Variants in YTHDF3 observed in about 807,000 individuals in gnomAD.
YTHDF3 encodes YTH domain-containing family protein 3.
Under a neutral mutation model 52.5 loss-of-function variants are expected in YTHDF3, and 9 were observed. The observed-to-expected ratio is 0.17, with a 90% confidence interval of 0.10 to 0.30. The LOEUF is 0.30. Ranked by LOEUF, YTHDF3 falls within the 10% of genes least tolerant of loss-of-function variation. The pLI is 1.00. For missense variants in YTHDF3, 534 were observed against 715.0 expected (o/e 0.75, Z 2.89); for synonymous variants, 274 against 243.3 (o/e 1.13, Z -1.18).
chr8:63,182,973 T>C (rs1003421423), intron 3 of YTHDF3, among the ~76,000 whole-genome samples: 1 of 150,926 alleles, frequency 6.6e-6, no homozygotes, highest in South Asian at 2.1e-4. Flanking sequence ...TTTTTTTTCT[T>C]TTTTGAGACA....
intron 4 of YTHDF3, chr8:63,188,736 T>G (rs900114710): frequency 1.6e-5 from 2 of 121,664 alleles, no homozygotes; most frequent in East Asian, 5.3e-4. Flanking sequence ...TTTTGTGAGA[T>G]GGAGTCGCTC....
At chr8:63,197,608 GGGAGA>G (rs2150389508) in intron 4 of YTHDF3, among the ~76,000 whole-genome samples, 1 of 152,224 alleles carries the variant, frequency 6.6e-6, no homozygotes, top group East Asian at 1.9e-4. Flanking sequence ...CTTGTAGTAC[GGGAGA>G]GGAGAAGAGA....
At position 63,209,915 on chromosome 8, in the gene YTHDF3, C is replaced by T. The variant is rs1471333658; in HGVS notation, c.*209C>T. ...CAAACACACTTGAGAACTGTAACTT[C>T]GTCAAGCACTTTCTGTCCTGAAGCT... On this transcript the variant is annotated 3_prime_UTR_variant, in exon 5 of 5. Transcript: ENST00000539294. 1.1e-5 allele frequency: 5 copies of T among 473,236 alleles called. No homozygotes were observed. The highest frequency in any genetic ancestry group is 1.0e-4 in the East Asian group (3 of 29,264). 29.3% of individuals were successfully genotyped at this position (473,236 alleles called of 1,614,324 possible).
intron 4 of YTHDF3, among the ~76,000 whole-genome samples, chr8:63,189,861 A>G (rs1011970727): frequency 2.4e-4 from 36 of 152,222 alleles, no homozygotes; most frequent in Non-Finnish European, 5.9e-5. Flanking sequence ...ATTAATACAA[A>G]TGACTTTAAG....
intron 3 of YTHDF3, among the ~76,000 whole-genome samples, chr8:63,183,473 C>T (rs1808290100): frequency 6.6e-6 from 1 of 152,072 alleles, no homozygotes; most frequent in Non-Finnish European, 1.5e-5. Flanking sequence ...TTAATTTTGT[C>T]AAGATTTTTT....
chr8:63,199,973 T>G (rs1809495446), intron 4 of YTHDF3, among the ~76,000 whole-genome samples: 1 of 152,156 alleles, frequency 6.6e-6, no homozygotes, highest in South Asian at 2.1e-4. Context: ...TCTCCAAAAC[T>G]CATTGGCTTA....
At chr8:63,182,174 T>TCCTCCCACCTCA (rs1252731284) in intron 3 of YTHDF3, among the ~76,000 whole-genome samples, 1 of 150,856 alleles carries the variant, frequency 6.6e-6, no homozygotes, top group East Asian at 1.9e-4. Context: ...GCCCAAGCGA[T>TCCTCCCACCTCA]CCTCCCACCT....
chr8:63,171,408 A>G (rs968445310), intron 2 of YTHDF3, among the ~76,000 whole-genome samples: 1 of 152,106 alleles, frequency 6.6e-6, no homozygotes, highest in Non-Finnish European at 1.5e-5. Context: ...CACTTAATCT[A>G]TTTTTAAGGT....
chr8:63,180,259 G>C (rs1424922242), intron 3 of YTHDF3, among the ~76,000 whole-genome samples: 1 of 151,336 alleles, frequency 6.6e-6, no homozygotes, highest in Non-Finnish European at 1.5e-5. Flanking sequence ...CTTCTCAGAC[G>C]GGGCGGCCGG....
intron 4 of YTHDF3, among the ~76,000 whole-genome samples, chr8:63,201,891 C>T (rs1192333710): frequency 1.3e-5 from 2 of 152,272 alleles, no homozygotes; most frequent in South Asian, 2.1e-4. Flanking sequence ...CATTCCTTTG[C>T]TTGACTTTAA....
intron 4 of YTHDF3, among the ~76,000 whole-genome samples, chr8:63,202,365 AGCTT>A (rs1809694126): frequency 6.6e-6 from 1 of 152,072 alleles, no homozygotes; most frequent in African/African-American, 2.4e-5. Flanking sequence ...GCATGCTAGA[AGCTT>A]ATCTAAGTAT....
intron 4 of YTHDF3, among the ~76,000 whole-genome samples, chr8:63,205,440 T>C (rs1019661271): frequency 1.5e-4 from 22 of 151,250 alleles, no homozygotes; most frequent in Non-Finnish European, 2.1e-4. Flanking sequence ...TTCTTTCTTT[T>C]TTTTTTTTTT....
intron 2 of YTHDF3, among the ~76,000 whole-genome samples, chr8:63,170,211 A>G (rs1226025474): frequency 3.3e-5 from 5 of 152,322 alleles, no homozygotes; most frequent in Middle Eastern, 3.4e-3. Context: ...CAAATTATAT[A>G]TAACATTTTG....
In YTHDF3 at chr8:63,211,400, A is replaced by G. The variant is rs980844468; in HGVS notation, c.*1694A>G. On this transcript the variant is annotated 3_prime_UTR_variant, in exon 5 of 5. Coordinates refer to ENST00000539294, the MANE Select transcript of YTHDF3 (RefSeq NM_152758.6). The stretch of plus-strand genomic sequence containing the variant: ...TATTTTACCTTTTTAAGAGTAAGCC[A>G]TGAAATCTTGTAACATGTCTCTTAA... The G allele has an allele frequency of 2.0e-5, 3 of 152,606 alleles. No individual in the cohort carries two copies. Among genetic ancestry groups the G allele is most frequent in the African/African-American group, 7.2e-5 (3 of 41,462 alleles). 9.5% of individuals were successfully genotyped at this position (152,606 alleles called of 1,614,324 possible).
chr8:63,185,205 C>T (rs1808419072), intron 3 of YTHDF3, among the ~76,000 whole-genome samples: 1 of 151,536 alleles, frequency 6.6e-6, no homozygotes, highest in Admixed American at 6.6e-5. Flanking sequence ...AAGAAACTTA[C>T]TTCAAAAGAA....
chr8:63,200,373 C>T lies in YTHDF3; in HGVS notation c.1735-9310C>T, dbSNP rs77162298. On this transcript the variant is annotated intron_variant, in intron 4 of 4. Coordinates refer to ENST00000539294, the MANE Select transcript of YTHDF3 (RefSeq NM_152758.6). Reference sequence around the variant, plus strand: ...CTTAATTACAGAAGTGACACTCTGTCGCCTCGGCTGAATTTTTTTTTAAAT... The same window carrying T: ...CTTAATTACAGAAGTGACACTCTGTTGCCTCGGCTGAATTTTTTTTTAAAT... Among the ~76,000 whole-genome samples the T allele has an allele frequency of 7.4e-4, 113 of 152,040 alleles. 2 individuals carry two copies. In the East Asian group the frequency reaches 0.021, roughly 28 times the overall value.
At chr8:63,197,445 A>T (rs1809311084) in intron 4 of YTHDF3, among the ~76,000 whole-genome samples, 1 of 152,206 alleles carries the variant, frequency 6.6e-6, no homozygotes, top group African/African-American at 2.4e-5. Flanking sequence ...ATGTTATGAG[A>T]TGGAATGGGA....
intron 4 of YTHDF3, among the ~76,000 whole-genome samples, chr8:63,193,975 A>G (rs1809075947): frequency 6.6e-6 from 1 of 152,140 alleles, no homozygotes; most frequent in African/African-American, 2.4e-5. Flanking sequence ...TTTCTGGGAT[A>G]CATACCTAAT....
chr8:63,187,253 G>T lies in YTHDF3; in HGVS notation c.1242G>T (p.Lys414Asn). The T allele has an allele frequency of 6.2e-7, 1 of 1,614,040 alleles. No individual in the cohort carries two copies. The highest frequency in any genetic ancestry group is 1.3e-5 in the African/African-American group (1 of 75,066). ...YNPKDFDWNL[K>N]NGRVFIIKSY... ...CCAAAGACTTTGATTGGAATCTGAAGAATGGACGTGTGTTTATAATTAAAA... is the reference window on the plus strand; with the variant it reads ...CCAAAGACTTTGATTGGAATCTGAATAATGGACGTGTGTTTATAATTAAAA... The change falls in exon 4 of 5, where the codon AAG (lysine) becomes AAT (asparagine). Residue 414 changes from lysine (K) to asparagine (N), a missense_variant. Lys to Asn is a moderately conservative substitution (Grantham distance 94). Transcript: ENST00000539294.
Sources: allele counts gnomAD v4.1 joint callset (sites outside exome capture counted in the v4.1 genomes callset), GRCh38; gene constraint gnomAD v4.1.1; transcripts MANE v1.5; gene names NCBI Gene and HGNC (gene_info 2026-07-23, HGNC 2026-07-21).